CNOT6: variants seen among roughly 807,000 people sequenced by gnomAD.
CNOT6 encodes carbon catabolite repression 4 protein.
CNOT6 carries 12 observed loss-of-function variants against 61.2 expected under a neutral mutation model. The ratio of observed to expected loss-of-function variants is 0.20; its 90% CI spans 0.13 to 0.32. The LOEUF (loss-of-function observed/expected upper bound fraction) is 0.32. CNOT6 is among the 10% of genes least tolerant of loss of function. The probability of loss-of-function intolerance (pLI) is 1.00; values close to 1 mark genes in which losing one functional copy is unlikely to be tolerated. For missense variants in CNOT6, 405 were observed against 663.9 expected, an observed-to-expected ratio of 0.61 and a Z score of 4.28; for synonymous variants, 225 against 240.6, an observed-to-expected ratio of 0.94 and a Z score of 0.60.
chr5:180,566,488 G>A (rs1487914109), intron 7 of CNOT6, among the ~76,000 whole-genome samples: 1 of 152,056 alleles, frequency 6.6e-6, no homozygotes, highest in African/African-American at 2.4e-5. Context: ...TTCCACCTCA[G>A]TTCTAAGACA....
At chr5:180,548,709 A>G (rs1024406695) in intron 2 of CNOT6, among the ~76,000 whole-genome samples, 2 of 152,146 alleles carry the variant, frequency 1.3e-5, no homozygotes, top group South Asian at 2.1e-4. Flanking sequence ...TGATTCATGT[A>G]TATTATCTGA....
intron 1 of CNOT6, among the ~76,000 whole-genome samples, chr5:180,527,706 T>G (rs1317977765): frequency 1.3e-5 from 2 of 152,164 alleles, no homozygotes; most frequent in East Asian, 3.9e-4. Flanking sequence ...AATGTCTGGT[T>G]GTCCTAACGA....
intron 11 of CNOT6, among the ~76,000 whole-genome samples, chr5:180,571,962 C>T (rs955684247): frequency 6.1e-5 from 7 of 115,528 alleles, no homozygotes; most frequent in Non-Finnish European, 1.5e-4. Context: ...GATAAGAAGT[C>T]ACATGAAATA....
rs562982268 is a variant in CNOT6 at position 180,515,205 on chromosome 5, G to A, written c.-2-14070G>A. Among the ~76,000 whole-genome samples the A allele has an allele frequency of 3.4e-4, 52 of 151,814 alleles. 1 individual carries two copies. Among genetic ancestry groups the A allele is most frequent in the African/African-American group, 1.2e-3 (49 of 41,384 alleles). On this transcript the variant is annotated intron_variant, in intron 1 of 11. Coordinates refer to ENST00000261951, the MANE Select transcript of CNOT6 (RefSeq NM_001370472.1). ...GGTCGAGGCAGGAGGATCCCTTGAG[G>A]CCAGGAGTTCAAGACCAGCCTGGGC...
intron 4 of CNOT6, among the ~76,000 whole-genome samples, chr5:180,556,653 A>G (rs1019462553): frequency 1.3e-5 from 2 of 152,196 alleles, no homozygotes; most frequent in African/African-American, 2.4e-5. Flanking sequence ...AAGTTTTGCT[A>G]TTTTAAGAAT....
intron 1 of CNOT6, among the ~76,000 whole-genome samples, chr5:180,495,984 C>A (rs1756596056): frequency 6.6e-6 from 1 of 152,286 alleles, no homozygotes; most frequent in South Asian, 2.1e-4. Context: ...CAGTTCTCGG[C>A]TCACTGCAGC....
At chr5:180,540,107 GT>G in intron 2 of CNOT6, among the ~76,000 whole-genome samples, 1 of 152,008 alleles carries the variant, frequency 6.6e-6, no homozygotes. Flanking sequence ...CATTTTTGGA[GT>G]TTTTTCTCAG....
chr5:180,518,318 G>A (rs1397332224), intron 1 of CNOT6, among the ~76,000 whole-genome samples: 1 of 152,008 alleles, frequency 6.6e-6, no homozygotes. Flanking sequence ...TACATTTCCT[G>A]CCCATCTTTT....
intron 1 of CNOT6, among the ~76,000 whole-genome samples, chr5:180,513,021 G>T (rs909898553): frequency 1.3e-5 from 2 of 151,892 alleles, no homozygotes; most frequent in Non-Finnish European, 2.9e-5. Context: ...TCAGCCTCCC[G>T]AGTAGCTGGG....
chr5:180,572,624 A>G lies in CNOT6; in HGVS notation c.1461+1192A>G, dbSNP rs1223456552. Among the ~76,000 whole-genome samples, 5 of 152,290 alleles carry G rather than the reference A, an allele frequency of 3.3e-5. No homozygotes were observed. The East Asian group carries it at 7.7e-4, about 23-fold the overall frequency. ...AAGTACAGTGATGTGATGATAACAC[A>G]CTGCAGCCTCAAACTCTCGGGCTCA... On this transcript the variant is annotated intron_variant, in intron 11 of 11. Coordinates refer to ENST00000261951, the MANE Select transcript of CNOT6 (RefSeq NM_001370472.1).
intron 1 of CNOT6, among the ~76,000 whole-genome samples, chr5:180,515,877 G>GGA (rs1375970165): frequency 1.3e-5 from 2 of 152,166 alleles, no homozygotes; most frequent in African/African-American, 4.8e-5. Context: ...CATAGTAAAA[G>GGA]GAGAGAGAGA....
At chr5:180,502,052 A>G (rs1001793085) in intron 1 of CNOT6, among the ~76,000 whole-genome samples, 6 of 152,176 alleles carry the variant, frequency 3.9e-5, no homozygotes, top group Admixed American at 6.6e-5. Flanking sequence ...AAACTAGAAG[A>G]GAAGGAAAGA....
chr5:180,513,606 T>G (rs1439118145), intron 1 of CNOT6, among the ~76,000 whole-genome samples: 3 of 151,822 alleles, frequency 2.0e-5, no homozygotes, highest in Non-Finnish European at 2.9e-5. Context: ...ACTCCTGACC[T>G]CGTGATCTAC....
At chr5:180,543,535 C>T (rs907477627) in intron 2 of CNOT6, among the ~76,000 whole-genome samples, 3 of 152,106 alleles carry the variant, frequency 2.0e-5, no homozygotes, top group Admixed American at 1.3e-4. Flanking sequence ...GATTCATGAT[C>T]GTTTATATTT....
chr5:180,504,503 G>A (rs1581466582), intron 1 of CNOT6, among the ~76,000 whole-genome samples: 1 of 82,374 alleles, frequency 1.2e-5, no homozygotes, highest in Admixed American at 1.2e-4. Flanking sequence ...TTCCAAGAGC[G>A]GGGGCAGTAA....
chr5:180,541,609 C>T (rs369124769), intron 2 of CNOT6, among the ~76,000 whole-genome samples: 3 of 151,182 alleles, frequency 2.0e-5, no homozygotes, highest in Admixed American at 6.6e-5. Context: ...CCTGCCATCA[C>T]GCCTGGCTAA....
chr5:180,551,162 A>G (rs1759580122), intron 3 of CNOT6, among the ~76,000 whole-genome samples: 1 of 151,362 alleles, frequency 6.6e-6, no homozygotes. Flanking sequence ...TGGTCAACAT[A>G]GCGAGAACCT....
chr5:180,537,804 CT>C (rs11407875), intron 2 of CNOT6, among the ~76,000 whole-genome samples: 27,859 of 141,842 alleles, frequency 0.2, 2,646 homozygotes, highest in Non-Finnish European at 0.22. Context: ...CTTTCTCTCT[CT>C]TTTTTTTTTT....
At chr5:180,508,827 A>ATT (rs1254935106) in intron 1 of CNOT6, among the ~76,000 whole-genome samples, 6 of 117,670 alleles carry the variant, frequency 5.1e-5, no homozygotes, top group African/African-American at 8.7e-5. Flanking sequence ...TTTTATTATT[A>ATT]TTATTATTTT....
Sources: gnomAD v4.1 joint callset for allele counts (sites outside exome capture counted in the v4.1 genomes callset) on GRCh38, gnomAD v4.1.1 for gene constraint, MANE v1.5 for transcripts, NCBI Gene and HGNC (gene_info 2026-07-23, HGNC 2026-07-21) for gene names.